HNRNPD: variants seen among roughly 807,000 people sequenced by gnomAD.
HNRNPD encodes the protein heterogeneous nuclear ribonucleoprotein D0.
Under a neutral mutation model 47.9 loss-of-function variants are expected in HNRNPD, and 3 were observed. The ratio of observed to expected loss-of-function variants is 0.06; its 90% CI spans 0.03 to 0.16. The LOEUF is 0.16. Among genes scored for constraint, HNRNPD ranks in the 10% least tolerant of loss-of-function variants. The pLI is 1.00. For missense variants in HNRNPD, 287 were observed against 454.2 expected, an observed-to-expected ratio of 0.63 and a Z score of 3.35; for synonymous variants, 171 against 165.1, an observed-to-expected ratio of 1.04 and a Z score of -0.28.
At chr4:82,372,658 G>A (rs1388522913) in intron 1 of HNRNPD, among the ~76,000 whole-genome samples, 1 of 152,206 alleles carries the variant, frequency 6.6e-6, no homozygotes, top group Non-Finnish European at 1.5e-5. Context: ...GGTGGGGGAA[G>A]GGTAGATGCT....
Position 82,357,554 on chromosome 4 carries a change from G to A in HNRNPD, c.622-110C>T, listed in dbSNP as rs1723769008. ...ACAAAGAAAACATGTATTTGGCACTGAAGTTCTAGTCTCCTGTTTCTCCCT... is the reference window on the plus strand; with the variant it reads ...ACAAAGAAAACATGTATTTGGCACTAAAGTTCTAGTCTCCTGTTTCTCCCT... On this transcript the variant is annotated intron_variant, in intron 4 of 8. Transcript: ENST00000313899. 6 of 868,808 alleles carry A rather than the reference G, an allele frequency of 6.9e-6. No individual in the cohort carries two copies. In the Admixed American group the frequency reaches 1.6e-4, roughly 24 times the overall value. 53.8% of individuals were successfully genotyped at this position (868,808 alleles called of 1,614,324 possible). A position where few individuals can be genotyped will look rare whatever the true frequency, so the allele number is the denominator to read the frequency against.
At chr4:82,368,076 A>ATG (rs1560438843) in intron 2 of HNRNPD, among the ~76,000 whole-genome samples, 1 of 152,180 alleles carries the variant, frequency 6.6e-6, no homozygotes, top group African/African-American at 2.4e-5. Context: ...TTGGACTAAC[A>ATG]TAAGTTATGT....
intron 2 of HNRNPD, among the ~76,000 whole-genome samples, chr4:82,360,562 G>A (rs966384161): frequency 6.6e-6 from 1 of 151,986 alleles, no homozygotes; most frequent in Non-Finnish European, 1.5e-5. Context: ...TTAATTTTAA[G>A]GGTAAACTGT....
chr4:82,371,621 A>C, intron 1 of HNRNPD, 37 bp from the exon 2 acceptor site: 1 of 1,576,596 alleles, frequency 6.3e-7, no homozygotes, highest in Non-Finnish European at 8.7e-7. Context: ...ACCAATCAAA[A>C]TTCTAGTTTT....
intron 1 of HNRNPD, among the ~76,000 whole-genome samples, chr4:82,372,476 G>A (rs1720096550): frequency 6.6e-6 from 1 of 152,112 alleles, no homozygotes; most frequent in South Asian, 2.1e-4. Context: ...TAGTGGGCGG[G>A]AAACAGATAT....
chr4:82,372,229 C>T (rs1720081876), intron 1 of HNRNPD, among the ~76,000 whole-genome samples: 1 of 152,122 alleles, frequency 6.6e-6, no homozygotes. Flanking sequence ...GTAATCGGAG[C>T]TAAGAAAACT....
chr4:82,363,243 A>C (rs1335940405), intron 2 of HNRNPD, among the ~76,000 whole-genome samples: 1 of 149,554 alleles, frequency 6.7e-6, no homozygotes, highest in Non-Finnish European at 1.5e-5. Context: ...TGCCAGGCTA[A>C]TTTTTTTTTG....
At chr4:82,355,250 G>A in intron 8 of HNRNPD, 54 bp downstream of exon 8, 1 of 946,336 alleles carries the variant, frequency 1.1e-6, no homozygotes, top group Non-Finnish European at 1.7e-6. Context: ...GAACAATATA[G>A]ATTATAAAAA....
Position 82,373,664 on chromosome 4 carries a change from C to T in HNRNPD, c.15G>A (p.Gln5=). Residue 5 remains glutamine, a synonymous_variant, in exon 1 of 9, where the codon CAG becomes CAA. Transcript: ENST00000313899. MSEE[Q]FGGDGAAAAA... The stretch of plus-strand genomic sequence containing the variant: ...CTGCCGCCGCCCCGTCCCCGCCGAA[C>T]TGCTCCTCCGACATAGTGCTAGTGT... 1 of 1,528,964 alleles carries T rather than the reference C, an allele frequency of 6.5e-7. No individual in the cohort carries two copies. The highest frequency in any genetic ancestry group is 8.7e-7 in the Non-Finnish European group (1 of 1,144,418). 94.7% of individuals were successfully genotyped at this position (1,528,964 alleles called of 1,614,324 possible). A position where few individuals can be genotyped will look rare whatever the true frequency, so the allele number is the denominator to read the frequency against.
chr4:82,358,248 CCTCA>C (rs1240814263), intron 4 of HNRNPD: 1 of 156,792 alleles, frequency 6.4e-6, no homozygotes, highest in Non-Finnish European at 1.4e-5. Context: ...TCGCGTCCAG[CCTCA>C]CTAATGAGTC....
rs1268116087 is a variant in HNRNPD at position 82,352,632 on chromosome 4, A to AG, written c.*1552dup. 1.3e-5 allele frequency: 2 copies of AG among 152,230 alleles called. No homozygotes were observed. The allele number at this position is 152,230 out of a possible 1,614,324, so 9.4% of individuals were successfully genotyped here. A position where few individuals can be genotyped will look rare whatever the true frequency, so the allele number is the denominator to read the frequency against. On this transcript the variant is annotated 3_prime_UTR_variant, in exon 9 of 9. Transcript: ENST00000313899. Reference sequence around the variant, plus strand: ...CATGAGTCAGCAAACTTTTCTGTAAAGGGCCAGACTGTAAATTATTTTGCT... The same window carrying AG: ...CATGAGTCAGCAAACTTTTCTGTAAAGGGGCCAGACTGTAAATTATTTTGCT...
chr4:82,361,890 A>C lies in HNRNPD; in HGVS notation c.291-2251T>G, dbSNP rs1167772886. Among the ~76,000 whole-genome samples, 4 of 152,306 alleles carry C rather than the reference A, an allele frequency of 2.6e-5. No individual in the cohort carries two copies. In the East Asian group the frequency reaches 7.7e-4, roughly 29 times the overall value. On this transcript the variant is annotated intron_variant, in intron 2 of 8. Coordinates refer to ENST00000313899, the MANE Select transcript of HNRNPD (RefSeq NM_031370.3). ...GCCTACCTTAGAGCTACAAGGGTTC[A>C]CTGAAGATGCTATCCCTCCTAAACT...
At chr4:82,373,082 G>A (rs1024585206) in intron 1 of HNRNPD, 10 of 493,582 alleles carry the variant, frequency 2.0e-5, no homozygotes, top group African/African-American at 7.8e-5. Flanking sequence ...GTAGAAAAAG[G>A]GAAAAAGAGG....
At chr4:82,363,165 C>T (rs1296428108) in intron 2 of HNRNPD, among the ~76,000 whole-genome samples, 5 of 151,962 alleles carry the variant, frequency 3.3e-5, no homozygotes, top group African/African-American at 1.2e-4. Context: ...CAACCTCCAC[C>T]TCCCGGGTTC....
chr4:82,358,410 G>T, intron 4 of HNRNPD: 1 of 356,482 alleles, frequency 2.8e-6, no homozygotes, highest in South Asian at 8.1e-5. Flanking sequence ...ATTTAAGAAT[G>T]TTTGTCTATT....
chr4:82,359,084 CT>C (rs1036509491), intron 3 of HNRNPD, among the ~76,000 whole-genome samples: 10 of 152,130 alleles, frequency 6.6e-5, no homozygotes, highest in African/African-American at 2.2e-4. Flanking sequence ...ATGACTGCTA[CT>C]TCCCTTTAGC....
chr4:82,354,506 G>A lies in HNRNPD; in HGVS notation c.*31-352C>T, dbSNP rs545027065. The A allele has an allele frequency of 2.6e-5, 4 of 152,690 alleles. No homozygotes were observed. In the East Asian group the frequency reaches 5.8e-4, roughly 22 times the overall value. 9.5% of individuals were successfully genotyped at this position (152,690 alleles called of 1,614,324 possible). On this transcript the variant is annotated intron_variant, in intron 8 of 8. Transcript: ENST00000313899. ...ATTTTATTGGATAAGCATATCTCTT[G>A]TCCATCACAAGTTATAGAAAAGTTA... is the stretch of plus-strand genomic sequence containing the variant.
chr4:82,370,493 A>G (rs28607996), intron 2 of HNRNPD, among the ~76,000 whole-genome samples: 5,913 of 152,118 alleles, frequency 0.039, 366 homozygotes, highest in African/African-American at 0.14. Flanking sequence ...CACCAAATAC[A>G]GGGAATAACA....
chr4:82,358,923 A>G, intron 3 of HNRNPD, 103 bp from the exon 4 acceptor site: 4 of 851,040 alleles, frequency 4.7e-6, no homozygotes, highest in Non-Finnish European at 7.1e-6. Flanking sequence ...AATGCCAAGC[A>G]TATGTTGACT....
Sources: gnomAD v4.1 joint callset for allele counts (sites outside exome capture counted in the v4.1 genomes callset) on GRCh38, gnomAD v4.1.1 for gene constraint, MANE v1.5 for transcripts, NCBI Gene and HGNC (gene_info 2026-07-23, HGNC 2026-07-21) for gene names.